ABCC8: variants seen among roughly 807,000 people sequenced by gnomAD.
The protein encoded by ABCC8 is ATP binding cassette subfamily C member 8.
Under a neutral mutation model 188.0 loss-of-function variants are expected in ABCC8, and 137 were observed. The observed-to-expected ratio is 0.73, with a 90% CI of 0.63 to 0.84. ABCC8 has a LOEUF of 0.84. ABCC8 is among the 40% of genes least tolerant of loss of function. The pLI, the probability that ABCC8 is intolerant of heterozygous loss-of-function variation, is 0.00. For missense variants in ABCC8, 1,750 were observed against 2,072.7 expected, an observed-to-expected ratio of 0.84 and a Z score of 3.02; for synonymous variants, 797 against 846.5, an observed-to-expected ratio of 0.94 and a Z score of 1.01.
intron 21 of ABCC8, 48 bp downstream of exon 21, chr11:17,412,618 G>T: frequency 6.3e-7 from 1 of 1,584,896 alleles, no homozygotes; most frequent in South Asian, 1.2e-5. Flanking sequence ...GGGCAGTTAG[G>T]CCTGGGAGGC....
chr11:17,475,366 C>T (rs929251694), intron 1 of ABCC8, among the ~76,000 whole-genome samples: 8 of 152,126 alleles, frequency 5.3e-5, no homozygotes, highest in Admixed American at 3.9e-4. Context: ...TACAGGCGCA[C>T]ATCACCATGC....
chr11:17,435,977 T>G, intron 10 of ABCC8: 1 of 1,578,798 alleles, frequency 6.3e-7, no homozygotes, highest in South Asian at 1.1e-5. Flanking sequence ...CGGTGGCAGA[T>G]GGACATCGCC....
chr11:17,415,004 C>G (rs898875443), intron 18 of ABCC8, among the ~76,000 whole-genome samples: 1 of 141,794 alleles, frequency 7.1e-6, no homozygotes, highest in African/African-American at 2.6e-5. Context: ...AATGGAAGAA[C>G]TTTTTTTTTT....
At chr11:17,428,082 G>T in intron 14 of ABCC8, 140 bp from the exon 15 acceptor site, 1 of 1,586,184 alleles carries the variant, frequency 6.3e-7, no homozygotes, top group South Asian at 1.1e-5. Flanking sequence ...GCAGGGGAGT[G>T]GGAGACTGGC....
chr11:17,396,700 A>G (rs2133405817), intron 33 of ABCC8: 2 of 614,542 alleles, frequency 3.3e-6, no homozygotes, highest in East Asian at 5.8e-5. Flanking sequence ...TGGATGAGTG[A>G]GAAGACAAGG....
intron 31 of ABCC8, 90 bp from the exon 32 acceptor site, chr11:17,397,403 G>A (rs1352557585): frequency 3.5e-5 from 56 of 1,589,504 alleles, no homozygotes; most frequent in Non-Finnish European, 4.6e-5. Context: ...CTGGAGAGGG[G>A]CCAGGGCCCC....
At chr11:17,409,113 T>C (rs954021354) in intron 22 of ABCC8, among the ~76,000 whole-genome samples, 5 of 122,132 alleles carry the variant, frequency 4.1e-5, no homozygotes, top group African/African-American at 1.6e-4. Flanking sequence ...CCACCATACC[T>C]GGCTAATTTT....
In ABCC8 at chr11:17,419,590, T is replaced by C. The variant is rs1332705312; in HGVS notation, c.2223-2628A>G. Among the ~76,000 whole-genome samples, 4 of 152,242 alleles carry C rather than the reference T, an allele frequency of 2.6e-5. No individual in the cohort carries two copies. The East Asian group carries it at 5.8e-4, about 22-fold the overall frequency. On this transcript the variant is annotated intron_variant, in intron 16 of 38. Coordinates refer to ENST00000389817, the MANE Select transcript of ABCC8 (RefSeq NM_000352.6). Reference sequence around the variant, plus strand: ...ATCTTCTGTATGCTTGTGTATCTTTTCTAATGTAATGTGCATTCTTTTAGA... The same window carrying C: ...ATCTTCTGTATGCTTGTGTATCTTTCCTAATGTAATGTGCATTCTTTTAGA...
intron 26 of ABCC8, among the ~76,000 whole-genome samples, chr11:17,405,871 C>G (rs1202369242): frequency 2.0e-5 from 3 of 152,222 alleles, no homozygotes; most frequent in African/African-American, 7.2e-5. Flanking sequence ...AGAGGGACAA[C>G]CTGCCAAGAG....
intron 29 of ABCC8, among the ~76,000 whole-genome samples, chr11:17,399,309 TA>T: frequency 1.2e-5 from 1 of 83,056 alleles, no homozygotes; most frequent in Non-Finnish European, 2.5e-5. Flanking sequence ...AAAAAACAAA[TA>T]AAAAAGAATA....
At chr11:17,398,287 C>T in intron 30 of ABCC8, 52 bp downstream of exon 30, 1 of 1,604,546 alleles carries the variant, frequency 6.2e-7, no homozygotes, top group South Asian at 1.1e-5. Context: ...TGTGCTCTTG[C>T]TCTGGCCCCA....
chr11:17,400,369 G>A (rs1408846630), intron 29 of ABCC8, among the ~76,000 whole-genome samples: 2 of 152,190 alleles, frequency 1.3e-5, no homozygotes, highest in African/African-American at 2.4e-5. Flanking sequence ...CTCAGCGTAT[G>A]TGGGTCTCAG....
chr11:17,397,132 C>G, intron 32 of ABCC8, 61 bp downstream of exon 32: 1 of 1,613,282 alleles, frequency 6.2e-7, no homozygotes. Flanking sequence ...TCCCTTGTGG[C>G]CCCCAACCCA....
At chr11:17,399,302 A>T (rs1156891048) in intron 29 of ABCC8, among the ~76,000 whole-genome samples, 7 of 144,560 alleles carry the variant, frequency 4.8e-5, no homozygotes, top group African/African-American at 1.6e-4. Context: ...AAAAAAAAAA[A>T]AACAAATAAA....
intron 23 of ABCC8, 174 bp downstream of exon 23, chr11:17,408,218 C>T (rs1954633539): frequency 3.2e-6 from 2 of 621,572 alleles, no homozygotes; most frequent in Non-Finnish European, 5.6e-6. Context: ...GCCCTGGGCA[C>T]CTGGCACAGG....
intron 2 of ABCC8, among the ~76,000 whole-genome samples, chr11:17,474,409 C>A (rs1039953451): frequency 6.6e-6 from 1 of 152,060 alleles, no homozygotes; most frequent in African/African-American, 2.4e-5. Context: ...GGAAGGTGGG[C>A]ATGGGGAATG....
At chr11:17,475,539 A>G (rs1848714745) in intron 1 of ABCC8, among the ~76,000 whole-genome samples, 1 of 152,124 alleles carries the variant, frequency 6.6e-6, no homozygotes, top group Non-Finnish European at 1.5e-5. Flanking sequence ...ACCCCATTAT[A>G]CATACTAACT....
At chr11:17,397,983 C>A in intron 30 of ABCC8, 186 bp from the exon 31 acceptor site, 1 of 764,706 alleles carries the variant, frequency 1.3e-6, no homozygotes, top group Non-Finnish European at 1.6e-6. Context: ...CCAACATGTC[C>A]CACAAGCTCA....
chr11:17,448,919 A>G (rs1348430347), intron 7 of ABCC8, among the ~76,000 whole-genome samples: 1 of 152,064 alleles, frequency 6.6e-6, no homozygotes, highest in Admixed American at 6.6e-5. Context: ...TTTTTATTTA[A>G]TTTAATTCAT....
Sources: allele counts gnomAD v4.1 joint callset (sites outside exome capture counted in the v4.1 genomes callset), GRCh38; gene constraint gnomAD v4.1.1; transcripts MANE v1.5; gene names NCBI Gene and HGNC (gene_info 2026-07-23, HGNC 2026-07-21).